The following TAMM41 variants were observed in gnomAD, a reference collection of about 807,000 sequenced individuals.
TAMM41 encodes phosphatidate cytidylyltransferase, mitochondrial.
A neutral mutation model predicts 44.1 loss-of-function variants in TAMM41; 36 were observed. That is an observed-to-expected ratio of 0.82 (90% confidence interval 0.63 to 1.08). The LOEUF (loss-of-function observed/expected upper bound fraction) is 1.08, where lower values mean the gene tolerates loss of function less well. Ranked by LOEUF, TAMM41 falls within the 50% of genes least tolerant of loss-of-function variation. The probability of loss-of-function intolerance (pLI) is 0.00; values close to 1 mark genes in which losing one functional copy is unlikely to be tolerated. For missense variants in TAMM41, 417 were observed against 404.3 expected (o/e 1.03, Z -0.27); for synonymous variants, 164 against 153.1 (o/e 1.07, Z -0.53).
the TAMM41 span, among the ~76,000 whole-genome samples, chr3:11,772,328 T>G: frequency 5.3e-5 from 8 of 149,976 alleles, no homozygotes; most frequent in East Asian, 2.0e-4. Flanking sequence ...TGATCCGCCC[T>G]CCTTGGCCTC....
the TAMM41 span, among the ~76,000 whole-genome samples, chr3:11,755,631 G>A: frequency 6.6e-6 from 1 of 152,122 alleles, no homozygotes; most frequent in Non-Finnish European, 1.5e-5. Flanking sequence ...GGCATTTCAC[G>A]TGCCCTTGGT....
At chr3:11,818,814 C>T (rs1237233974) in intron 4 of TAMM41, among the ~76,000 whole-genome samples, 5 of 149,782 alleles carry the variant, frequency 3.3e-5, no homozygotes, top group African/African-American at 7.4e-5. Context: ...AGGAGAATGG[C>T]GTGAACCCAG....
At chr3:11,760,656 G>A in the TAMM41 span, among the ~76,000 whole-genome samples, 1 of 152,006 alleles carries the variant, frequency 6.6e-6, no homozygotes, top group Non-Finnish European at 1.5e-5. Context: ...CACCTCCCGG[G>A]CTTAAGCGAG....
At chr3:11,753,567 A>C in the TAMM41 span, among the ~76,000 whole-genome samples, 1 of 87,908 alleles carries the variant, frequency 1.1e-5, no homozygotes, top group Admixed American at 1.0e-4. Flanking sequence ...TACTAAAAAT[A>C]AAAAAAAATA....
At chr3:11,786,307 A>AT (rs2077417574), downstream of TAMM41, among the ~76,000 whole-genome samples, 1 of 145,266 alleles carries the variant, frequency 6.9e-6, no homozygotes, top group African/African-American at 2.5e-5. Context: ...TATTATTATT[A>AT]TTATTATTAT....
chr3:11,736,969 C>T, the TAMM41 span, among the ~76,000 whole-genome samples: 2 of 152,256 alleles, frequency 1.3e-5, no homozygotes, highest in South Asian at 2.1e-4. Flanking sequence ...GTGGTGGCAA[C>T]ATCAAGAGTC....
chr3:11,722,528 A>G, the TAMM41 span, among the ~76,000 whole-genome samples: 2 of 152,244 alleles, frequency 1.3e-5, no homozygotes, highest in Non-Finnish European at 2.9e-5. Flanking sequence ...AAGTCCCAAA[A>G]GATTACATAC....
chr3:11,737,472 C>G, the TAMM41 span, among the ~76,000 whole-genome samples: 5 of 151,958 alleles, frequency 3.3e-5, no homozygotes, highest in Admixed American at 3.3e-4. Context: ...AGGCACCCAC[C>G]ACCACGCCCA....
intron 5 of TAMM41, among the ~76,000 whole-genome samples, chr3:11,812,791 T>C (rs1473670562): frequency 6.6e-6 from 1 of 152,070 alleles, no homozygotes; most frequent in Non-Finnish European, 1.5e-5. Flanking sequence ...TTTTGATGGT[T>C]AGTGGACAAG....
the TAMM41 span, among the ~76,000 whole-genome samples, chr3:11,784,526 A>G: frequency 1.3e-5 from 2 of 152,266 alleles, no homozygotes; most frequent in East Asian, 1.9e-4. Flanking sequence ...CCAAAACAAA[A>G]AAGGTAGGCA....
At chr3:11,820,874 C>A (rs1471194562) in intron 4 of TAMM41, among the ~76,000 whole-genome samples, 2 of 152,202 alleles carry the variant, frequency 1.3e-5, no homozygotes, top group Non-Finnish European at 2.9e-5. Context: ...GGCCTGCAAG[C>A]CACCTGTAGG....
At chr3:11,767,426 A>G in the TAMM41 span, among the ~76,000 whole-genome samples, 4 of 152,006 alleles carry the variant, frequency 2.6e-5, no homozygotes, top group East Asian at 7.7e-4. Context: ...TGATGTTGCT[A>G]TGGATATTGC....
the TAMM41 span, among the ~76,000 whole-genome samples, chr3:11,758,501 G>A: frequency 6.8e-6 from 1 of 147,232 alleles, no homozygotes; most frequent in Non-Finnish European, 1.5e-5. Flanking sequence ...ACATGCACGT[G>A]CCACCATGCC....
chr3:11,839,977 A>AC (rs1291488355), intron 2 of TAMM41, among the ~76,000 whole-genome samples: 1 of 151,724 alleles, frequency 6.6e-6, no homozygotes, highest in Non-Finnish European at 1.5e-5. Context: ...CAACTGACTG[A>AC]CCCCACCCAG....
downstream of TAMM41, chr3:11,790,415 A>G (rs919571018): frequency 8.3e-7 from 1 of 1,201,378 alleles, no homozygotes; most frequent in Non-Finnish European, 1.2e-6. Flanking sequence ...TTTGAATTCA[A>G]GCAATGGGTC....
chr3:11,815,423 A>T (rs1332759515), intron 5 of TAMM41, among the ~76,000 whole-genome samples: 1 of 152,214 alleles, frequency 6.6e-6, no homozygotes, highest in African/African-American at 2.4e-5. Context: ...TATAATGGGA[A>T]GAGTTTTACG....
chr3:11,797,329 C>T (rs1044930319), intron 7 of TAMM41, among the ~76,000 whole-genome samples: 36 of 152,202 alleles, frequency 2.4e-4, no homozygotes, highest in African/African-American at 7.5e-4. Context: ...ACAGAGAACC[C>T]GGAAATAAGG....
the TAMM41 span, among the ~76,000 whole-genome samples, chr3:11,751,910 G>C: frequency 6.6e-6 from 1 of 152,170 alleles, no homozygotes; most frequent in African/African-American, 2.4e-5. Flanking sequence ...TGCTTACAGA[G>C]AGTCCTGGGT....
intron 3 of TAMM41, among the ~76,000 whole-genome samples, chr3:11,834,530 T>C (rs561829589): frequency 2.6e-5 from 4 of 152,364 alleles, no homozygotes; most frequent in East Asian, 1.9e-4. Context: ...CATGATTTTT[T>C]ACTTGGGAAA....
Sources: allele counts gnomAD v4.1 joint callset (sites outside exome capture counted in the v4.1 genomes callset), GRCh38; gene constraint gnomAD v4.1.1; transcripts MANE v1.5; gene names NCBI Gene and HGNC (gene_info 2026-07-23, HGNC 2026-07-21).